Variants in CA10 observed in about 807,000 individuals in gnomAD.
The protein encoded by CA10 is carbonic anhydrase-related protein 10.
A neutral mutation model predicts 44.2 loss-of-function variants in CA10; 14 were observed. The observed-to-expected ratio is 0.32, with a 90% CI of 0.21 to 0.50. The LOEUF is 0.50. CA10 is among the 20% of genes least tolerant of loss of function. The pLI is 0.99. For synonymous variants in CA10, 159 were observed against 141.6 expected (o/e 1.12, Z -0.87); for missense variants, 350 against 409.7 (o/e 0.85, Z 1.26).
At chr17:52,103,003 C>T (rs1390391730) in intron 1 of CA10, among the ~76,000 whole-genome samples, 9 of 152,006 alleles carry the variant, frequency 5.9e-5, no homozygotes, top group Non-Finnish European at 7.4e-5. Context: ...GCTATGTGCA[C>T]GCACTTCTCA....
chr17:51,849,253 A>G (rs1462998059), intron 3 of CA10, among the ~76,000 whole-genome samples: 12 of 136,044 alleles, frequency 8.8e-5, no homozygotes, highest in Admixed American at 2.3e-4. Flanking sequence ...ATATATATAT[A>G]TATATATATA....
chr17:51,677,433 A>G (rs1174796543), intron 4 of CA10, among the ~76,000 whole-genome samples: 3 of 152,128 alleles, frequency 2.0e-5, no homozygotes, highest in African/African-American at 7.2e-5. Flanking sequence ...TGCTCCTGCC[A>G]TCATTGTAAG....
intron 2 of CA10, among the ~76,000 whole-genome samples, chr17:52,036,725 T>C (rs1284764213): frequency 6.6e-6 from 1 of 152,226 alleles, no homozygotes; most frequent in Non-Finnish European, 1.5e-5. Flanking sequence ...ATAAAAGAAC[T>C]GACCACCTAG....
rs376875537 is a variant in CA10, at chr17:52,072,314, C to T, written c.136+5G>A. 1 of 1,589,194 alleles carries T rather than the reference C, an allele frequency of 6.3e-7. No homozygotes were observed. The highest frequency in any genetic ancestry group is 8.6e-7 in the Non-Finnish European group (1 of 1,157,940). The stretch of plus-strand genomic sequence containing the variant: ...AAATAAATTAAAGAATTAATGTGTA[C>T]TTACCTGGAACAAAGCTTCCCTGGA... On this transcript the variant is annotated splice_donor_5th_base_variant and intron_variant, in intron 2 of 8. Transcript: ENST00000451037.
chr17:51,925,505 A>G (rs1982394246), intron 3 of CA10, among the ~76,000 whole-genome samples: 2 of 152,158 alleles, frequency 1.3e-5, no homozygotes, highest in African/African-American at 2.4e-5. Flanking sequence ...AGAATGTAAA[A>G]TAGTATAGCC....
chr17:52,157,532 C>G (rs931529087), intron 1 of CA10, among the ~76,000 whole-genome samples, 194 bp downstream of exon 1: 6 of 144,848 alleles, frequency 4.1e-5, no homozygotes, highest in South Asian at 2.4e-4. Flanking sequence ...CCTAACCACC[C>G]CCCCCCGCAA....
At chr17:51,904,996 C>T (rs1981480569) in intron 3 of CA10, among the ~76,000 whole-genome samples, 1 of 152,126 alleles carries the variant, frequency 6.6e-6, no homozygotes, top group Non-Finnish European at 1.5e-5. Context: ...TTACATGTTC[C>T]CAACCTCCTA....
At chr17:52,105,380 G>A (rs570494380) in intron 1 of CA10, among the ~76,000 whole-genome samples, 55 of 152,044 alleles carry the variant, frequency 3.6e-4, no homozygotes, top group Admixed American at 3.1e-3. Context: ...TCAGCTTCCC[G>A]AATAGCTGGG....
At chr17:51,861,453 C>T (rs925293061) in intron 3 of CA10, among the ~76,000 whole-genome samples, 1 of 151,364 alleles carries the variant, frequency 6.6e-6, no homozygotes, top group African/African-American at 2.4e-5. Flanking sequence ...TTAGGAAAAG[C>T]TTTACCTGTG....
At chr17:51,858,753 C>T (rs1725136152) in intron 3 of CA10, among the ~76,000 whole-genome samples, 1 of 152,156 alleles carries the variant, frequency 6.6e-6, no homozygotes, top group African/African-American at 2.4e-5. Flanking sequence ...TGCAAACCTA[C>T]TGAGAGAAAC....
At chr17:51,840,932 C>T (rs956708226) in intron 3 of CA10, among the ~76,000 whole-genome samples, 2 of 152,154 alleles carry the variant, frequency 1.3e-5, no homozygotes, top group Non-Finnish European at 2.9e-5. Context: ...AGAAAGCAAA[C>T]CAGAGCTGAG....
intron 3 of CA10, among the ~76,000 whole-genome samples, chr17:51,848,072 G>A (rs1474472154): frequency 6.6e-6 from 1 of 152,108 alleles, no homozygotes; most frequent in Non-Finnish European, 1.5e-5. Context: ...AATTTAAGAG[G>A]TGCCAAAATC....
At chr17:51,837,806 T>C (rs1567856623) in intron 3 of CA10, among the ~76,000 whole-genome samples, 5 of 152,230 alleles carry the variant, frequency 3.3e-5, no homozygotes, top group Admixed American at 2.6e-4. Flanking sequence ...TATTTTTGAG[T>C]CAGGTCCATG....
At chr17:51,909,560 T>C (rs567042413) in intron 3 of CA10, among the ~76,000 whole-genome samples, 24 of 152,208 alleles carry the variant, frequency 1.6e-4, no homozygotes, top group Non-Finnish European at 2.9e-4. Context: ...AAGAACAAAA[T>C]TACAGTGTTG....
chr17:52,005,025 C>T (rs994026940), intron 2 of CA10, among the ~76,000 whole-genome samples: 1 of 151,806 alleles, frequency 6.6e-6, no homozygotes, highest in African/African-American at 2.4e-5. Context: ...CCCTCAAGTA[C>T]TAAAGTGCTT....
At chr17:51,893,145 C>A (rs1980931212) in intron 3 of CA10, among the ~76,000 whole-genome samples, 1 of 151,734 alleles carries the variant, frequency 6.6e-6, no homozygotes, top group South Asian at 2.1e-4. Context: ...AGACTATAAT[C>A]AAAATACATA....
At chr17:51,792,118 T>C (rs1343814363) in intron 3 of CA10, among the ~76,000 whole-genome samples, 1 of 152,210 alleles carries the variant, frequency 6.6e-6, no homozygotes, top group Admixed American at 6.5e-5. Flanking sequence ...AGATGCTTTA[T>C]AGCTATCACA....
intron 3 of CA10, among the ~76,000 whole-genome samples, chr17:51,859,686 T>TA (rs1218164188): frequency 6.6e-6 from 1 of 152,138 alleles, no homozygotes. Context: ...TTTCCTCATA[T>TA]AAAAAATGAA....
intron 2 of CA10, among the ~76,000 whole-genome samples, chr17:52,043,062 G>A (rs1325465311): frequency 2.0e-5 from 3 of 151,868 alleles, no homozygotes; most frequent in Non-Finnish European, 4.4e-5. Flanking sequence ...ATGCAATTTT[G>A]CATTGGATAT....
Sources: gnomAD v4.1 joint callset for allele counts (sites outside exome capture counted in the v4.1 genomes callset) on GRCh38, gnomAD v4.1.1 for gene constraint, MANE v1.5 for transcripts, NCBI Gene and HGNC (gene_info 2026-07-23, HGNC 2026-07-21) for gene names.